The following DLC1 variants were observed in gnomAD, a reference collection of about 807,000 sequenced individuals.
DLC1 encodes the protein DLC1 Rho GTPase activating protein.
Under a neutral mutation model 140.3 loss-of-function variants are expected in DLC1, and 54 were observed. The observed-to-expected ratio is 0.38, with a 90% CI of 0.31 to 0.48. DLC1 has a LOEUF of 0.48. Among genes scored for constraint, DLC1 ranks in the 20% least tolerant of loss-of-function variants. DLC1 has a pLI of 0.96. For missense variants in DLC1, 2,536 were observed against 1,907.0 expected, an observed-to-expected ratio of 1.33 and a Z score of -6.14; for synonymous variants, 986 against 728.1, an observed-to-expected ratio of 1.35 and a Z score of -5.70.
At chr8:13,359,370 A>T (rs1198531876) in intron 4 of DLC1, among the ~76,000 whole-genome samples, 1 of 152,192 alleles carries the variant, frequency 6.6e-6, no homozygotes, top group Non-Finnish European at 1.5e-5. Context: ...CGCTCAGGTA[A>T]TGCTATACAA....
At chr8:13,193,176 A>T (rs1321171495) in intron 5 of DLC1, among the ~76,000 whole-genome samples, 1 of 152,196 alleles carries the variant, frequency 6.6e-6, no homozygotes, top group Non-Finnish European at 1.5e-5. Context: ...CTCATTTGGG[A>T]AACAAATAGG....
intron 1 of DLC1, among the ~76,000 whole-genome samples, chr8:13,592,112 T>A (rs1007628677): frequency 2.0e-5 from 3 of 151,940 alleles, no homozygotes; most frequent in Admixed American, 2.0e-4. Flanking sequence ...CAGTCCAGCG[T>A]TTAGAATTTA....
intron 5 of DLC1, among the ~76,000 whole-genome samples, chr8:13,301,541 T>A (rs1401583620): frequency 6.6e-6 from 1 of 152,180 alleles, no homozygotes; most frequent in Non-Finnish European, 1.5e-5. Flanking sequence ...GATTCTTGAT[T>A]TGTGTTCTGG....
intron 2 of DLC1, among the ~76,000 whole-genome samples, chr8:13,434,174 GC>G (rs1483981730): frequency 1.3e-5 from 2 of 152,154 alleles, no homozygotes; most frequent in African/African-American, 4.8e-5. Flanking sequence ...ACTGCGCCCA[GC>G]CACAATCATG....
chr8:13,485,031 A>T (rs1402702474), intron 2 of DLC1, among the ~76,000 whole-genome samples: 1 of 152,178 alleles, frequency 6.6e-6, no homozygotes, highest in Non-Finnish European at 1.5e-5. Flanking sequence ...GCTCTCCAGG[A>T]TTTGAAATAT....
chr8:13,243,468 G>C (rs749893941), intron 5 of DLC1, among the ~76,000 whole-genome samples: 2 of 152,004 alleles, frequency 1.3e-5, no homozygotes, highest in African/African-American at 4.8e-5. Flanking sequence ...CCTCTTTTCT[G>C]TATAAATGTC....
chr8:13,095,484 A>G (rs1818434277), intron 10 of DLC1: 1 of 531,448 alleles, frequency 1.9e-6, no homozygotes, highest in Non-Finnish European at 3.4e-6. Context: ...GATAAAGAAC[A>G]TTCCTATCAT....
intron 4 of DLC1, among the ~76,000 whole-genome samples, chr8:13,375,623 C>T (rs1007926995): frequency 2.0e-5 from 3 of 152,116 alleles, no homozygotes; most frequent in Non-Finnish European, 4.4e-5. Context: ...TTTGCCCATT[C>T]AGTATGATAT....
chr8:13,118,782 T>G (rs1314491753), intron 5 of DLC1, among the ~76,000 whole-genome samples: 1 of 152,150 alleles, frequency 6.6e-6, no homozygotes, highest in African/African-American at 2.4e-5. Flanking sequence ...CACCATTACT[T>G]TCTCTCTAAT....
At chr8:13,453,539 CATAT>C (rs1260330712) in intron 2 of DLC1, among the ~76,000 whole-genome samples, 1 of 25,318 alleles carries the variant, frequency 3.9e-5, no homozygotes, top group Non-Finnish European at 6.5e-5. Flanking sequence ...TATATATATA[CATAT>C]ATATATATAT....
intron 7 of DLC1, among the ~76,000 whole-genome samples, chr8:13,106,959 G>A (rs1163189242): frequency 3.3e-5 from 5 of 152,140 alleles, no homozygotes; most frequent in South Asian, 4.1e-4. Context: ...ACAATACTAC[G>A]TGCACATGCT....
chr8:13,112,403 T>C (rs971701583), intron 6 of DLC1, among the ~76,000 whole-genome samples: 2 of 152,234 alleles, frequency 1.3e-5, no homozygotes, highest in African/African-American at 2.4e-5. Context: ...TATAAAGTTA[T>C]AGTCTATCCT....
At chr8:13,447,934 C>G (rs1444450974) in intron 2 of DLC1, among the ~76,000 whole-genome samples, 1 of 152,118 alleles carries the variant, frequency 6.6e-6, no homozygotes, top group Non-Finnish European at 1.5e-5. Context: ...CAATGAGGCT[C>G]TGAAAAATTT....
chr8:13,276,437 C>T, intron 5 of DLC1: 1 of 1,426,460 alleles, frequency 7.0e-7, no homozygotes, highest in Non-Finnish European at 9.1e-7. Flanking sequence ...CCGGGCGCCG[C>T]GACCATGCCT....
chr8:13,165,305 G>C (rs892061696), intron 5 of DLC1, among the ~76,000 whole-genome samples: 1 of 152,164 alleles, frequency 6.6e-6, no homozygotes, highest in Non-Finnish European at 1.5e-5. Context: ...GAAAGAAGGA[G>C]ATGAAAGAAA....
chr8:13,464,746 TTATATATATATATATATATTTATA>T (rs1475563670), intron 2 of DLC1, among the ~76,000 whole-genome samples: 10,356 of 130,856 alleles, frequency 0.079, 844 homozygotes, highest in African/African-American at 0.21. Context: ...GAATTTTAAA[TTATATATATATATATATATTTATA>T]TATATATATA....
At chr8:13,185,348 C>T (rs1486237787) in intron 5 of DLC1, among the ~76,000 whole-genome samples, 2 of 149,828 alleles carry the variant, frequency 1.3e-5, no homozygotes, top group Non-Finnish European at 2.9e-5. Flanking sequence ...CACTCTGTAG[C>T]CCAGGCTGGA....
chr8:13,545,987 T>C (rs1803637062), intron 1 of DLC1, among the ~76,000 whole-genome samples: 1 of 152,128 alleles, frequency 6.6e-6, no homozygotes, highest in African/African-American at 2.4e-5. Context: ...AATTCACAAG[T>C]TATTAGATAC....
At position 13,237,185 on chromosome 8, in the gene DLC1, A is replaced by G. The variant is rs62492860; in HGVS notation, c.1348+68084T>C. On this transcript the variant is annotated intron_variant, in intron 5 of 17. Coordinates refer to ENST00000276297, the MANE Select transcript of DLC1 (RefSeq NM_182643.3). ...CAATGATCCTGGGGAGGATGTGTGT[A>G]TATATATATATATGTGTGTGTGTGT... Among the ~76,000 whole-genome samples the G allele has an allele frequency of 5.4e-3, 633 of 117,048 alleles. 4 individuals carry two copies. Among genetic ancestry groups the G allele is most frequent in the Middle Eastern group, 0.02 (5 of 244 alleles). The allele number at this position is 117,048 out of a possible 152,430, so 76.8% of individuals were successfully genotyped here.
Sources: allele counts gnomAD v4.1 joint callset (sites outside exome capture counted in the v4.1 genomes callset), GRCh38; gene constraint gnomAD v4.1.1; transcripts MANE v1.5; gene names NCBI Gene and HGNC (gene_info 2026-07-23, HGNC 2026-07-21).